Variants in NEBL observed in about 807,000 individuals in gnomAD.
The protein encoded by NEBL is nebulette, also known as LIM and SH3 protein 2.
NEBL carries 122 observed loss-of-function variants against 140.2 expected under a neutral mutation model. The observed-to-expected ratio is 0.87, with a 90% confidence interval of 0.75 to 1.01. The LOEUF is 1.01. Among genes scored for constraint, NEBL ranks in the 50% least tolerant of loss-of-function variants. The pLI, the probability that NEBL is intolerant of heterozygous loss-of-function variation, is 0.00. For missense variants in NEBL, 1,365 were observed against 1,231.3 expected (o/e 1.11, Z -1.62); for synonymous variants, 436 against 398.9 (o/e 1.09, Z -1.11).
chr10:20,866,709 G>T (rs900341234), intron 7 of NEBL, among the ~76,000 whole-genome samples: 1 of 152,122 alleles, frequency 6.6e-6, no homozygotes. Flanking sequence ...CTAAGGACGC[G>T]TCTTTCTTCT....
intron 3 of NEBL, among the ~76,000 whole-genome samples, chr10:21,237,352 A>C (rs934099356): frequency 6.6e-6 from 1 of 151,510 alleles, no homozygotes; most frequent in Admixed American, 6.6e-5. Context: ...TTACAGGCGC[A>C]AGCCACCACA....
intron 2 of NEBL, among the ~76,000 whole-genome samples, chr10:21,095,934 T>C (rs1456954005): frequency 6.6e-6 from 1 of 152,248 alleles, no homozygotes; most frequent in Non-Finnish European, 1.5e-5. Context: ...ATAAGTCATT[T>C]AACCTTGGTA....
At chr10:20,900,539 A>G (rs1205349440), upstream of NEBL, among the ~76,000 whole-genome samples, 1 of 151,802 alleles carries the variant, frequency 6.6e-6, no homozygotes, top group Non-Finnish European at 1.5e-5. Flanking sequence ...TTAGCCGGGC[A>G]TGGGCTGGGT....
At chr10:21,046,890 C>A (rs1393421533) in intron 2 of NEBL, among the ~76,000 whole-genome samples, 1 of 152,158 alleles carries the variant, frequency 6.6e-6, no homozygotes, top group Non-Finnish European at 1.5e-5. Flanking sequence ...GCATGAGCCA[C>A]CGCGCCCGGC....
chr10:21,241,285 T>TAAAAA (rs35430205), intron 3 of NEBL, among the ~76,000 whole-genome samples: 1 of 146,310 alleles, frequency 6.8e-6, no homozygotes, highest in Non-Finnish European at 1.5e-5. Flanking sequence ...AATAAATAAA[T>TAAAAA]AAAAATAAAA....
intron 3 of NEBL, among the ~76,000 whole-genome samples, chr10:21,219,575 T>C (rs1390990925): frequency 6.6e-6 from 1 of 152,260 alleles, no homozygotes; most frequent in Admixed American, 6.5e-5. Flanking sequence ...GCTTTGACTA[T>C]TCCTGGTCTT....
intron 4 of NEBL, among the ~76,000 whole-genome samples, chr10:20,934,924 G>A (rs946962614): frequency 6.6e-6 from 1 of 152,156 alleles, no homozygotes; most frequent in Non-Finnish European, 1.5e-5. Flanking sequence ...ACAGTATCAC[G>A]ATAGGTCAAG....
intron 2 of NEBL, among the ~76,000 whole-genome samples, chr10:21,143,519 G>A (rs895886546): frequency 6.7e-6 from 1 of 149,026 alleles, no homozygotes; most frequent in African/African-American, 2.5e-5. Flanking sequence ...ACAATTCAAT[G>A]CAATAAGTAC....
In NEBL at chr10:20,812,829, C is replaced by T; in HGVS notation, c.2458G>A (p.Ala820Thr). The T allele has an allele frequency of 1.2e-6, 2 of 1,614,028 alleles. No individual in the cohort carries two copies. Among genetic ancestry groups the T allele is most frequent in the East Asian group, 2.2e-5 (1 of 44,842 alleles). ...RKNTQVVSDA[A>T]YKGVHPHIVE... ...ATGTGAGGGTGGACCCCTTTATAGG[C>T]AGCATCGCTGACCACCTGGGTGTTC... is the stretch of plus-strand genomic sequence containing the variant. The change falls in exon 24 of 28, where the codon GCC (alanine) becomes ACC (threonine). Residue 820 changes from alanine (A) to threonine (T), a missense_variant. Physicochemically the swap from Ala to Thr is moderately conservative, Grantham distance 58 (BLOSUM62 0). Around this residue, in one of 2 missense-constraint regions of NEBL, gnomAD observed 1,323 missense variants for 1,154.8 expected, o/e 1.15. Transcript: ENST00000377122.
At chr10:21,223,054 C>T (rs368553232) in intron 3 of NEBL, among the ~76,000 whole-genome samples, 129 of 152,332 alleles carry the variant, frequency 8.5e-4, no homozygotes, top group Non-Finnish European at 1.4e-3. Context: ...TGAGCCATCG[C>T]GCCTGGCTCT....
chr10:21,119,753 A>G (rs945375405), intron 2 of NEBL, among the ~76,000 whole-genome samples: 25 of 152,098 alleles, frequency 1.6e-4, no homozygotes, highest in African/African-American at 5.8e-4. Context: ...ATCATTATCT[A>G]TTATATAGTC....
chr10:20,921,817 C>A (rs865808373), intron 4 of NEBL, among the ~76,000 whole-genome samples: 8 of 151,952 alleles, frequency 5.3e-5, no homozygotes, highest in Admixed American at 2.6e-4. Flanking sequence ...ACATGCACAC[C>A]CCCACACACA....
chr10:20,833,520 C>A (rs1840610215), intron 14 of NEBL, among the ~76,000 whole-genome samples: 1 of 152,146 alleles, frequency 6.6e-6, no homozygotes, highest in East Asian at 1.9e-4. Flanking sequence ...GACTAAGATT[C>A]TCAGCCTGAG....
chr10:20,807,901 A>G (rs565286151), intron 26 of NEBL, among the ~76,000 whole-genome samples: 5 of 152,080 alleles, frequency 3.3e-5, no homozygotes, highest in Non-Finnish European at 7.4e-5. Context: ...CAGCCTGGAT[A>G]CAGAAAACAG....
intron 2 of NEBL, among the ~76,000 whole-genome samples, chr10:21,154,358 C>G (rs1441380653): frequency 6.6e-6 from 1 of 150,836 alleles, no homozygotes. Flanking sequence ...ACTCGGGAGG[C>G]TGAGGCAGGA....
At chr10:20,838,102 A>G (rs1841064132) in intron 13 of NEBL, among the ~76,000 whole-genome samples, 1 of 152,208 alleles carries the variant, frequency 6.6e-6, no homozygotes, top group Non-Finnish European at 1.5e-5. Flanking sequence ...TTCAAGGCTT[A>G]TTATTTAAGA....
chr10:21,259,355 C>T (rs985269644), intron 1 of NEBL, among the ~76,000 whole-genome samples: 3 of 151,974 alleles, frequency 2.0e-5, no homozygotes, highest in Admixed American at 6.6e-5. Context: ...TTGGAGACGG[C>T]GAGGAAGAGA....
intron 2 of NEBL, among the ~76,000 whole-genome samples, chr10:21,055,506 C>T (rs186093655): frequency 1.1e-4 from 16 of 152,236 alleles, no homozygotes; most frequent in African/African-American, 3.9e-4. Context: ...AACCCACCCA[C>T]CTGTTTTGCT....
At chr10:20,917,728 T>C (rs1833376791) in intron 4 of NEBL, among the ~76,000 whole-genome samples, 1 of 152,232 alleles carries the variant, frequency 6.6e-6, no homozygotes, top group Non-Finnish European at 1.5e-5. Context: ...ACCATGTCTA[T>C]AAAATTAATG....
Sources: allele counts gnomAD v4.1 joint callset (sites outside exome capture counted in the v4.1 genomes callset), GRCh38; gene constraint gnomAD v4.1.1; regional missense constraint gnomAD v4.1.1; transcripts MANE v1.5; gene names NCBI Gene and HGNC (gene_info 2026-07-23, HGNC 2026-07-21).